The following PTPRF variants were observed in gnomAD, a reference collection of about 807,000 sequenced individuals.
PTPRF encodes receptor-type tyrosine-protein phosphatase F.
Under a neutral mutation model 201.8 loss-of-function variants are expected in PTPRF, and 59 were observed. The ratio of observed to expected loss-of-function variants is 0.29; its 90% CI spans 0.24 to 0.36. PTPRF has a LOEUF of 0.36. Among genes scored for constraint, PTPRF ranks in the 10% least tolerant of loss-of-function variants. The pLI is 1.00. For synonymous variants in PTPRF, 1,088 were observed against 1,089.7 expected, an observed-to-expected ratio of 1.00 and a Z score of 0.03; for missense variants, 2,132 against 2,690.5, an observed-to-expected ratio of 0.79 and a Z score of 4.59.
intron 5 of PTPRF, among the ~76,000 whole-genome samples, chr1:43,558,818 C>T (rs1198513473): frequency 6.6e-6 from 1 of 152,060 alleles, no homozygotes; most frequent in African/African-American, 2.4e-5. Context: ...GGTTGAGGGG[C>T]AGTGAAGGTC....
intron 13 of PTPRF, 55 bp from the exon 14 acceptor site, chr1:43,602,016 C>T: frequency 1.3e-6 from 2 of 1,582,780 alleles, no homozygotes; most frequent in Non-Finnish European, 1.7e-6. Flanking sequence ...AGGCCCTCTC[C>T]AGGTCAGAGT....
At chr1:43,572,677 T>C (rs1298027288) in intron 6 of PTPRF, among the ~76,000 whole-genome samples, 4 of 152,218 alleles carry the variant, frequency 2.6e-5, no homozygotes, top group Non-Finnish European at 5.9e-5. Flanking sequence ...CCGGGACCTT[T>C]ACGGTTTACG....
Position 43,546,001 on chromosome 1 carries a change from G to A in PTPRF, c.91+835G>A, listed in dbSNP as rs929276116. 4.6e-5 allele frequency among the ~76,000 whole-genome samples: 7 copies of A among 152,172 alleles called. No individual in the cohort carries two copies. Among genetic ancestry groups the A allele is most frequent in the Non-Finnish European group, 1.0e-4 (7 of 68,030 alleles). On this transcript the variant is annotated intron_variant, in intron 3 of 33. Coordinates refer to ENST00000359947, the MANE Select transcript of PTPRF (RefSeq NM_002840.5). This position sits in a 1 kb window ranked among gnomAD's most constrained non-coding sequence, Gnocchi z 4.2. The stretch of plus-strand genomic sequence containing the variant: ...TTTAGCCAATCTGCAGGCTGAGGGG[G>A]AGGGGCGAGGTCGGAGCCAAGGTCC...
chr1:43,559,873 C>A (rs1645675455), intron 5 of PTPRF, among the ~76,000 whole-genome samples: 1 of 142,856 alleles, frequency 7.0e-6, no homozygotes, highest in Admixed American at 7.1e-5. Context: ...TGGTGTGTAG[C>A]AGGCTATGTA....
intron 2 of PTPRF, among the ~76,000 whole-genome samples, chr1:43,539,328 C>G (rs1570912885): frequency 6.6e-6 from 1 of 152,126 alleles, no homozygotes; most frequent in Non-Finnish European, 1.5e-5. Context: ...GGTGCTGTCC[C>G]CAAGACTGGA....
At chr1:43,600,753 C>G (rs596522) in intron 13 of PTPRF, among the ~76,000 whole-genome samples, 1 of 151,790 alleles carries the variant, frequency 6.6e-6, no homozygotes, top group Non-Finnish European at 1.5e-5. Flanking sequence ...GCATTTCTCT[C>G]TCCTTCTTGG....
chr1:43,595,336 T>C (rs1557804203), intron 11 of PTPRF, among the ~76,000 whole-genome samples: 1 of 152,132 alleles, frequency 6.6e-6, no homozygotes, highest in Non-Finnish European at 1.5e-5. Flanking sequence ...TGCCTCAGCC[T>C]CCCGAGTAGC....
chr1:43,601,987 G>A, intron 13 of PTPRF, 84 bp from the exon 14 acceptor site: 42 of 1,516,582 alleles, frequency 2.8e-5, no homozygotes, highest in Non-Finnish European at 3.7e-5. Context: ...TCCTCCCTGG[G>A]CAAGGTCCCT....
chr1:43,538,385 G>A (rs1396577226), intron 2 of PTPRF, 108 bp downstream of exon 2: 2 of 397,432 alleles, frequency 5.0e-6, no homozygotes, highest in Non-Finnish European at 8.9e-6. Context: ...TATAGAGGGG[G>A]TGTCAGCAGG....
intron 6 of PTPRF, among the ~76,000 whole-genome samples, chr1:43,573,431 C>T (rs971056020): frequency 6.6e-6 from 1 of 152,164 alleles, no homozygotes; most frequent in Non-Finnish European, 1.5e-5. Flanking sequence ...ACCCCCAGCA[C>T]CCTGAGGCGA....
At position 43,591,755 on chromosome 1, in the gene PTPRF, T is replaced by C. The variant is rs146903244; in HGVS notation, c.1532-57T>C. 218 of 1,598,982 alleles carry C rather than the reference T, an allele frequency of 1.4e-4. No homozygotes were observed. The African/African-American group carries it at 2.4e-3, about 18-fold the overall frequency. ...CTGACTTCCTCGGCTCCCTCCTCCC[T>C]GGGCACCCCTGACCTCACGCAGATG... On this transcript the variant is annotated intron_variant, in intron 9 of 33. Transcript: ENST00000359947.
At chr1:43,562,562 A>C (rs1213928397) in intron 5 of PTPRF, among the ~76,000 whole-genome samples, 1 of 151,162 alleles carries the variant, frequency 6.6e-6, no homozygotes, top group African/African-American at 2.4e-5. Context: ...ATGGACCACC[A>C]CGCCCGGCTA....
chr1:43,592,296 A>C (rs554410967), intron 10 of PTPRF, among the ~76,000 whole-genome samples, 161 bp from the exon 11 acceptor site: 3 of 152,244 alleles, frequency 2.0e-5, no homozygotes, highest in African/African-American at 7.2e-5. Flanking sequence ...GGCATGGGCT[A>C]AGCCCTGAGT....
intron 11 of PTPRF, among the ~76,000 whole-genome samples, chr1:43,592,859 A>G (rs923142350): frequency 6.6e-6 from 1 of 151,008 alleles, no homozygotes; most frequent in Non-Finnish European, 1.5e-5. Flanking sequence ...TGCCCCACAC[A>G]CTGCCCAGGT....
At chr1:43,573,505 C>G (rs1646711078) in intron 6 of PTPRF, among the ~76,000 whole-genome samples, 1 of 152,234 alleles carries the variant, frequency 6.6e-6, no homozygotes, top group African/African-American at 2.4e-5. Flanking sequence ...GGGTGGGACG[C>G]AGAGGGCTTG....
upstream of PTPRF, among the ~76,000 whole-genome samples, chr1:43,522,101 G>T (rs928883829): frequency 1.3e-5 from 2 of 152,148 alleles, no homozygotes; most frequent in Admixed American, 1.3e-4. Flanking sequence ...CCCTTGCTTG[G>T]CTTCTTCCCC....
chr1:43,553,469 C>T lies in PTPRF; in HGVS notation c.92-23C>T, dbSNP rs376248703. On this transcript the variant is annotated intron_variant, in intron 3 of 33. Coordinates refer to ENST00000359947, the MANE Select transcript of PTPRF (RefSeq NM_002840.5). The surrounding 1 kb of genome is among the most constrained non-coding windows in gnomAD (Gnocchi z 4.1). ...TCCTATAGTGACTGTGCTGTGGTGA[C>T]TTGGTGTCTCCATCTCTTCCAGGCA... The T allele has an allele frequency of 1.2e-5, 20 of 1,610,648 alleles. No homozygotes were observed. The highest frequency in any genetic ancestry group is 1.6e-5 in the Non-Finnish European group (19 of 1,177,512).
At chr1:43,523,748 A>G (rs114971365), upstream of PTPRF, among the ~76,000 whole-genome samples, 10,297 of 152,280 alleles carry the variant, frequency 0.068, 463 homozygotes, top group Middle Eastern at 0.14. Context: ...GAACACTCTT[A>G]TGGAAGAAGA....
At chr1:43,619,606 G>T in intron 28 of PTPRF, 33 bp downstream of exon 28, 1 of 1,610,798 alleles carries the variant, frequency 6.2e-7, no homozygotes, top group Non-Finnish European at 8.5e-7. Context: ...TGGCTCCAGG[G>T]CCTAGACTGG....
Sources: gnomAD v4.1 joint callset for allele counts (sites outside exome capture counted in the v4.1 genomes callset) on GRCh38, gnomAD v4.1.1 for gene constraint, Gnocchi (gnomAD v3.1) non-coding constraint, MANE v1.5 for transcripts, NCBI Gene and HGNC (gene_info 2026-07-23, HGNC 2026-07-21) for gene names.